The following CORO2B variants were observed in gnomAD, a reference collection of about 807,000 sequenced individuals.
CORO2B encodes the protein coronin 2B, also known as coronin-2B.
CORO2B carries 26 observed loss-of-function variants against 58.8 expected under a neutral mutation model. The observed-to-expected ratio is 0.44, with a 90% CI of 0.32 to 0.61. CORO2B has a LOEUF of 0.61. CORO2B is among the 20% of genes least tolerant of loss of function. CORO2B has a pLI of 0.04. For synonymous variants in CORO2B, 242 were observed against 253.8 expected, an observed-to-expected ratio of 0.95 and a Z score of 0.44; for missense variants, 460 against 645.1, an observed-to-expected ratio of 0.71 and a Z score of 3.11.
In CORO2B at chr15:68,689,558, GTTAGTGTA is replaced by G. The variant is rs1269623771; in HGVS notation, c.217-5568_217-5561del. 2.6e-5 allele frequency among the ~76,000 whole-genome samples: 4 copies of G among 152,338 alleles called. No homozygotes were observed. The East Asian group carries it at 5.8e-4, about 22-fold the overall frequency. ...TCAATAGCCATGTGTTAGTGTTGGT[GTTAGTGTA>G]TTAGTGTATTAGTATGAAGCATGAG... is the stretch of plus-strand genomic sequence containing the variant. On this transcript the variant is annotated intron_variant, in intron 2 of 11. Transcript: ENST00000261861.
intron 3 of CORO2B, among the ~76,000 whole-genome samples, chr15:68,708,690 T>TA (rs58883519): frequency 6.6e-6 from 1 of 152,002 alleles, no homozygotes; most frequent in Non-Finnish European, 1.5e-5. Flanking sequence ...CTTTTTTTTT[T>TA]ATTTTCTGAG....
chr15:68,676,478 C>T (rs113184541), intron 2 of CORO2B, among the ~76,000 whole-genome samples: 32 of 152,172 alleles, frequency 2.1e-4, no homozygotes, highest in African/African-American at 5.3e-4. Flanking sequence ...GGATAACCAC[C>T]GCTGCCTAAA....
chr15:68,726,828 A>G lies in CORO2B; in HGVS notation c.*854A>G, dbSNP rs762619498. On this transcript the variant is annotated 3_prime_UTR_variant, in exon 12 of 12. Transcript: ENST00000261861. ...CCTTTCCCGCTGCATCAAGATGCCA[A>G]TCCCTTTGTGGGCTTCACCAGTGCC... 2.8e-4 allele frequency: 42 copies of G among 152,196 alleles called. 1 individual carries two copies. Among genetic ancestry groups the G allele is most frequent in the African/African-American group, 9.9e-4 (41 of 41,424 alleles). 9.4% of individuals were successfully genotyped at this position (152,196 alleles called of 1,614,324 possible). A position where few individuals can be genotyped will look rare whatever the true frequency, so the allele number is the denominator to read the frequency against.
At chr15:68,644,057 A>C (rs1177458417) in intron 1 of CORO2B, among the ~76,000 whole-genome samples, 3 of 152,160 alleles carry the variant, frequency 2.0e-5, no homozygotes, top group African/African-American at 7.2e-5. Flanking sequence ...AAGAAAAACC[A>C]ACAACAAAAA....
At chr15:68,646,255 C>A (rs1317239427) in intron 2 of CORO2B, among the ~76,000 whole-genome samples, 1 of 152,152 alleles carries the variant, frequency 6.6e-6, no homozygotes. Context: ...AGGCGGAGTC[C>A]CCAGAGGCCC....
chr15:68,636,620 A>G (rs72748507), intron 1 of CORO2B, among the ~76,000 whole-genome samples: 9,375 of 152,244 alleles, frequency 0.062, 372 homozygotes, highest in South Asian at 0.089. Context: ...GTGAGTTGGT[A>G]GGAGAACTGT....
At chr15:68,699,648 C>A (rs1009989446) in intron 3 of CORO2B, among the ~76,000 whole-genome samples, 33 of 152,272 alleles carry the variant, frequency 2.2e-4, no homozygotes, top group African/African-American at 7.9e-4. Context: ...GGGTGTCCAC[C>A]CCTCCCCGCC....
At chr15:68,699,054 A>G (rs1892580526) in intron 3 of CORO2B, among the ~76,000 whole-genome samples, 1 of 152,184 alleles carries the variant, frequency 6.6e-6, no homozygotes, top group African/African-American at 2.4e-5. Context: ...GGGTTAGAGA[A>G]GGAGTCCCAG....
At chr15:68,594,954 GT>G (rs1007292552) in intron 1 of CORO2B, among the ~76,000 whole-genome samples, 3 of 152,194 alleles carry the variant, frequency 2.0e-5, no homozygotes, top group African/African-American at 4.8e-5. Flanking sequence ...TCTCTGGATT[GT>G]TTTTTTCCAA....
intron 1 of CORO2B, among the ~76,000 whole-genome samples, chr15:68,640,748 A>C (rs540559875): frequency 3.8e-4 from 58 of 152,342 alleles, no homozygotes; most frequent in African/African-American, 1.3e-3. Context: ...CGTCCTTTGT[A>C]GGAAATGCAT....
chr15:68,594,699 A>T (rs990718484), intron 1 of CORO2B, among the ~76,000 whole-genome samples: 12 of 152,164 alleles, frequency 7.9e-5, no homozygotes, highest in African/African-American at 2.9e-4. Flanking sequence ...CTGCGAGCCA[A>T]TGAGCAGAGG....
At chr15:68,578,786 G>C (rs546046862), upstream of CORO2B, among the ~76,000 whole-genome samples, 1 of 152,044 alleles carries the variant, frequency 6.6e-6, no homozygotes, top group African/African-American at 2.4e-5. This position sits in a 1 kb window ranked among gnomAD's most constrained non-coding sequence, Gnocchi z 4.2. Flanking sequence ...CAGGCCCGAA[G>C]GGGTTAAGGC....
intron 1 of CORO2B, among the ~76,000 whole-genome samples, chr15:68,624,462 A>G (rs187981840): frequency 6.6e-6 from 1 of 152,280 alleles, no homozygotes; most frequent in East Asian, 1.9e-4. Context: ...TCAGCACCAC[A>G]TGAGTCTGTG....
intron 2 of CORO2B, among the ~76,000 whole-genome samples, chr15:68,685,496 GC>G (rs1461935998): frequency 6.6e-6 from 1 of 152,192 alleles, no homozygotes; most frequent in Non-Finnish European, 1.5e-5. Flanking sequence ...ACAGGCGTGA[GC>G]CACCGTGCCC....
rs200147304 is a variant in CORO2B at position 68,640,643 on chromosome 15, TG to T, written c.16-4511del. ...AAACTAAAATAGCTGTAAAAGGCATTGGGGGGAAATTTAAACACGGGCTGGG... is the reference window on the plus strand; with the variant it reads ...AAACTAAAATAGCTGTAAAAGGCATTGGGGGAAATTTAAACACGGGCTGGG... On this transcript the variant is annotated intron_variant, in intron 1 of 11. Coordinates refer to ENST00000261861, the MANE Select transcript of CORO2B (RefSeq NM_006091.5). 2.6e-3 allele frequency among the ~76,000 whole-genome samples: 395 copies of T among 152,060 alleles called. 7 individuals are homozygous for T. Among genetic ancestry groups the T allele is most frequent in the African/African-American group, 9.2e-3 (380 of 41,484 alleles).
At chr15:68,553,734 TA>T in the CORO2B span, among the ~76,000 whole-genome samples, 8 of 152,226 alleles carry the variant, frequency 5.3e-5, no homozygotes, top group African/African-American at 1.9e-4. Flanking sequence ...GCAAAGGCCA[TA>T]AGCAGGACTG....
At chr15:68,595,092 G>A (rs899759184) in intron 1 of CORO2B, among the ~76,000 whole-genome samples, 7 of 152,200 alleles carry the variant, frequency 4.6e-5, no homozygotes, top group Admixed American at 2.6e-4. Flanking sequence ...GTGGATTTAG[G>A]AAGCATTGTA....
chr15:68,651,595 A>G (rs2140278487), intron 2 of CORO2B, among the ~76,000 whole-genome samples: 1 of 152,352 alleles, frequency 6.6e-6, no homozygotes, highest in African/African-American at 2.4e-5. Flanking sequence ...ATGGTGGGAC[A>G]GTCTTGTCCC....
intron 1 of CORO2B, among the ~76,000 whole-genome samples, chr15:68,630,848 G>T (rs535782691): frequency 6.6e-6 from 1 of 152,152 alleles, no homozygotes; most frequent in African/African-American, 2.4e-5. Flanking sequence ...GTGCCAGAGC[G>T]CCAGGATTTA....
Sources: gnomAD v4.1 joint callset for allele counts (sites outside exome capture counted in the v4.1 genomes callset) on GRCh38, gnomAD v4.1.1 for gene constraint, Gnocchi (gnomAD v3.1) non-coding constraint, MANE v1.5 for transcripts, NCBI Gene and HGNC (gene_info 2026-07-23, HGNC 2026-07-21) for gene names.